The following HERC2 variants were observed in gnomAD, a reference collection of about 807,000 sequenced individuals.
The protein encoded by HERC2 is E3 ubiquitin-protein ligase HERC2.
In HERC2, 102 loss-of-function variants were observed where a neutral mutation model predicts 537.7. That is an observed-to-expected ratio of 0.19 (90% CI 0.16 to 0.22). The LOEUF is 0.22. HERC2 is among the 10% of genes least tolerant of loss of function. HERC2 has a pLI of 1.00. For synonymous variants in HERC2, 2,224 were observed against 2,466.2 expected (o/e 0.90, Z 2.91); for missense variants, 4,236 against 6,198.2 (o/e 0.68, Z 10.63).
At position 28,265,413 on chromosome 15, in the gene HERC2, C is replaced by T. The variant is rs987610847; in HGVS notation, c.1870+205G>A. On this transcript the variant is annotated intron_variant, in intron 14 of 92. Transcript: ENST00000261609. The surrounding 1 kb of genome is among the most constrained non-coding windows in gnomAD (Gnocchi z 4.0). ...AAATAAAATGCCCACACAGGAACGG[C>T]GGCAGCTGCTAACCAGCTGAGAGGC... Among the ~76,000 whole-genome samples, 3 of 152,130 alleles carry T rather than the reference C, an allele frequency of 2.0e-5. No individual in the cohort carries two copies. The highest frequency in any genetic ancestry group is 4.8e-5 in the African/African-American group (2 of 41,426).
intron 24 of HERC2, 65 bp downstream of exon 24, chr15:28,238,537 A>C: frequency 1.1e-5 from 15 of 1,362,580 alleles, no homozygotes; most frequent in Non-Finnish European, 1.4e-5. Context: ...TTTATAAGCC[A>C]AATACTCTGC....
rs1467479378 is a variant in HERC2, at chr15:28,142,815, G to A, written c.11544+12C>T. 1 of 1,509,678 alleles carries A rather than the reference G, an allele frequency of 6.6e-7. No homozygotes were observed. The highest frequency in any genetic ancestry group is 1.3e-5 in the South Asian group (1 of 79,306). 93.5% of individuals were successfully genotyped at this position (1,509,678 alleles called of 1,614,324 possible). ...GCTCTATTGTCACTTTAAAAAAGAA[G>A]TGAAACATTACCTTAAAGAATGGGC... On this transcript the variant is annotated intron_variant, in intron 75 of 92. Coordinates refer to ENST00000261609, the MANE Select transcript of HERC2 (RefSeq NM_004667.6).
At chr15:28,219,052 G>C (rs1900239198) in intron 37 of HERC2, among the ~76,000 whole-genome samples, 1 of 152,174 alleles carries the variant, frequency 6.6e-6, no homozygotes, top group African/African-American at 2.4e-5. Flanking sequence ...ATCATTTTCT[G>C]TTCCCATCTT....
At position 28,243,314 on chromosome 15, in the gene HERC2, G is replaced by A. The variant is rs141842156; in HGVS notation, c.3577+2567C>T. Among the ~76,000 whole-genome samples, 519 of 152,256 alleles carry A rather than the reference G, an allele frequency of 3.4e-3. 4 individuals are homozygous for A. The highest frequency in any genetic ancestry group is 0.012 in the African/African-American group (494 of 41,566). ...AAAGTTAAGGCAATAAAACTTTTAA[G>A]GTGTAAAAGAAAATCTGGGTAAGAA... On this transcript the variant is annotated intron_variant, in intron 23 of 92. Transcript: ENST00000261609.
At position 28,132,684 on chromosome 15, in the gene HERC2, C is replaced by T; in HGVS notation, c.12377G>A (p.Ser4126Asn). The T allele has an allele frequency of 6.3e-7, 1 of 1,581,226 alleles. No homozygotes were observed. Among genetic ancestry groups the T allele is most frequent in the Admixed American group, 1.8e-5 (1 of 55,604 alleles). Residue 4126 changes from serine (S) to asparagine (N), a missense_variant, in exon 80 of 93, where the codon AGC (serine) becomes AAC (asparagine). This residue lies in a region of HERC2 where 94 missense variants were observed against 137.4 expected (regional missense o/e 0.68). Transcript: ENST00000261609. ...GKGRYGRLGH[S>N]DSEDQLKPKL... Reference sequence around the variant, plus strand: ...CGGCTTCAGCTGGTCCTCACTGTCGCTGTGCCCCAGCCGGCCGTAGCGGCC... The same window carrying T: ...CGGCTTCAGCTGGTCCTCACTGTCGTTGTGCCCCAGCCGGCCGTAGCGGCC...
chr15:28,140,280 C>T (rs1239793470), intron 78 of HERC2, among the ~76,000 whole-genome samples: 1 of 152,060 alleles, frequency 6.6e-6, no homozygotes, highest in Non-Finnish European at 1.5e-5. Flanking sequence ...AGCCTCCACC[C>T]ACTCCTACCC....
At position 28,111,967 on chromosome 15, in the gene HERC2, C is replaced by G; in HGVS notation, c.14301G>C (p.Lys4767Asn). 6.2e-7 allele frequency: 1 copy of G among 1,614,138 alleles called. No homozygotes were observed. The highest frequency in any genetic ancestry group is 8.5e-7 in the Non-Finnish European group (1 of 1,180,034). Reference sequence around the variant, plus strand: ...CCTGCTTGCAGGAATACCTGGGCAGCTTCAGCAAGAAGAAACAGGTGTAGG... The same window carrying G: ...CCTGCTTGCAGGAATACCTGGGCAGGTTCAGCAAGAAGAAACAGGTGTAGG... ...PESYTCFFLL[K>N]LPRYSCKQVL... The change falls in exon 93 of 93, where the codon AAG becomes AAC. Residue 4767 changes from lysine to asparagine, a missense_variant. Around this residue, in one of 27 missense-constraint regions of HERC2, gnomAD observed 313 missense variants for 462.6 expected, o/e 0.68. Transcript: ENST00000261609.
chr15:28,138,311 G>A (rs890568087), intron 78 of HERC2, among the ~76,000 whole-genome samples: 17 of 152,204 alleles, frequency 1.1e-4, no homozygotes, highest in African/African-American at 4.1e-4. Flanking sequence ...ATTGGAAGAA[G>A]ATGCCAGCTA....
At chr15:28,219,219 G>A (rs533561707) in intron 37 of HERC2, among the ~76,000 whole-genome samples, 1 of 152,250 alleles carries the variant, frequency 6.6e-6, no homozygotes, top group Non-Finnish European at 1.5e-5. Context: ...TGAGGACAAA[G>A]CACCGGCATC....
At chr15:28,129,351 C>T (rs535594453) in intron 83 of HERC2, among the ~76,000 whole-genome samples, 90 of 152,364 alleles carry the variant, frequency 5.9e-4, no homozygotes, top group Non-Finnish European at 1.0e-3. Flanking sequence ...TGCCCCGGCA[C>T]TGAGCTGTGT....
At chr15:28,149,593 C>T (rs113616035) in intron 70 of HERC2, among the ~76,000 whole-genome samples, 7 of 150,704 alleles carry the variant, frequency 4.6e-5, no homozygotes, top group Middle Eastern at 3.5e-3. Flanking sequence ...AAAAAACACA[C>T]GCGGCTCCTA....
chr15:28,287,002 G>T (rs1335234990), intron 4 of HERC2, among the ~76,000 whole-genome samples: 1 of 152,132 alleles, frequency 6.6e-6, no homozygotes, highest in Non-Finnish European at 1.5e-5. Context: ...AAAGCACGTG[G>T]GATAATGCCA....
intron 3 of HERC2, among the ~76,000 whole-genome samples, 169 bp downstream of exon 3, chr15:28,299,233 G>A (rs550116472): frequency 1.8e-4 from 27 of 152,114 alleles, no homozygotes; most frequent in African/African-American, 5.5e-4. Flanking sequence ...AATAAAATCC[G>A]AGCAGCTTGT....
intron 4 of HERC2, among the ~76,000 whole-genome samples, chr15:28,291,174 C>T (rs2076300658): frequency 6.6e-6 from 1 of 152,136 alleles, no homozygotes; most frequent in Non-Finnish European, 1.5e-5. Flanking sequence ...CTTTGTCTGG[C>T]CTACTGTGCT....
In HERC2 at chr15:28,111,849, C is replaced by T. The variant is rs1330798387; in HGVS notation, c.14419G>A (p.Ala4807Thr). 23 of 1,614,080 alleles carry T rather than the reference C, an allele frequency of 1.4e-5. No homozygotes were observed. The highest frequency in any genetic ancestry group is 1.6e-4 in the Middle Eastern group (1 of 6,084). The change falls in exon 93 of 93, where the codon GCC becomes ACC. Residue 4807 changes from alanine (A) to threonine (T), a missense_variant. This residue lies in a region of HERC2 where 313 missense variants were observed against 462.6 expected (regional missense o/e 0.68). Coordinates refer to ENST00000261609, the MANE Select transcript of HERC2 (RefSeq NM_004667.6). ...TCTGAATCGTCGCTGCTGTCGTCGGCGGCTGGCTCTCCTGTAAGTGCGATG... is the reference window on the plus strand; with the variant it reads ...TCTGAATCGTCGCTGCTGTCGTCGGTGGCTGGCTCTCCTGTAAGTGCGATG... The part of the protein sequence containing the change: ...ARIALTGEPA[A>T]DDSSDDSDNE...
Position 28,163,077 on chromosome 15 carries a change from C to A in HERC2, c.10746+17G>T, listed in dbSNP as rs748236287. On this transcript the variant is annotated intron_variant, in intron 69 of 92. Transcript: ENST00000261609. ...GAGGAGGTGGAATCAGACGGCCCCG[C>A]CCTCCCTGAGACTCACCTGTGGGTA... The A allele has an allele frequency of 6.3e-7, 1 of 1,598,122 alleles. No individual in the cohort carries two copies. Among genetic ancestry groups the A allele is most frequent in the Non-Finnish European group, 8.5e-7 (1 of 1,173,818 alleles).
At chr15:28,132,897 AT>A in intron 79 of HERC2, 67 bp from the exon 80 acceptor site, 1 of 1,237,110 alleles carries the variant, frequency 8.1e-7, no homozygotes, top group Admixed American at 2.6e-5. Flanking sequence ...AGTGTATTAA[AT>A]ACCTCTCAAT....
rs1893794234 is a variant in HERC2 at position 28,163,181 on chromosome 15, G to A, written c.10659C>T (p.Leu3553=). ...ADDTRVVVDL[L]KLSVCSRAGD... is the part of the protein sequence containing the mutation. ...CGGCCCGGCTGCACACTGACAGCTT[G>A]AGCAGGTCTACCACCACACGAGTGT... is the stretch of plus-strand genomic sequence containing the variant. The change falls in exon 69 of 93, where the codon CTC becomes CTT. Residue 3553 remains leucine, a synonymous_variant. Transcript: ENST00000261609. 6 of 1,613,568 alleles carry A rather than the reference G, an allele frequency of 3.7e-6. No individual in the cohort carries two copies. The East Asian group carries it at 1.1e-4, about 30-fold the overall frequency.
chr15:28,117,029 C>T lies in HERC2; in HGVS notation c.13398G>A (p.Trp4466Ter). 1 of 1,614,168 alleles carries T rather than the reference C, an allele frequency of 6.2e-7. No homozygotes were observed. The part of the protein sequence containing the change: ...PDSLLLPHRV[W>*]KVKFVGESVD... ...AGTTCTCACCCACAAACTTGACTTTCCAGACACGGTGAGGAAGGAGGAGGC... is the reference window on the plus strand; with the variant it reads ...AGTTCTCACCCACAAACTTGACTTTTCAGACACGGTGAGGAAGGAGGAGGC... The change falls in exon 87 of 93, where the codon TGG becomes TGA. Residue 4466 changes from tryptophan to a stop codon, truncating the protein, a stop_gained. Transcript: ENST00000261609. LOFTEE classifies it high-confidence loss of function.
Sources: allele counts gnomAD v4.1 joint callset (sites outside exome capture counted in the v4.1 genomes callset), GRCh38; gene constraint gnomAD v4.1.1; regional missense constraint gnomAD v4.1.1; non-coding constraint Gnocchi (gnomAD v3.1); transcripts MANE v1.5; gene names NCBI Gene and HGNC (gene_info 2026-07-23, HGNC 2026-07-21).